PCDHGA3: variants seen among roughly 807,000 people sequenced by gnomAD.
The protein encoded by PCDHGA3 is protocadherin gamma subfamily A, 3.
A neutral mutation model predicts 58.5 loss-of-function variants in PCDHGA3; 40 were observed. The ratio of observed to expected loss-of-function variants is 0.68; its 90% CI spans 0.53 to 0.89. The LOEUF is 0.89. Among genes scored for constraint, PCDHGA3 ranks in the 40% least tolerant of loss-of-function variants. PCDHGA3 has a pLI of 0.00. For missense variants in PCDHGA3, 1,223 were observed against 1,195.9 expected (o/e 1.02, Z -0.33); for synonymous variants, 530 against 525.7 (o/e 1.01, Z -0.11).
intron 1 of PCDHGA3, chr5:141,375,779 G>A (rs749559180): frequency 1.9e-6 from 3 of 1,614,176 alleles, no homozygotes; most frequent in South Asian, 1.1e-5. Flanking sequence ...CCTGTACCCC[G>A]CCCTCCCCAC....
At chr5:141,364,166 C>T (rs1763198104) in intron 1 of PCDHGA3, 4 of 715,060 alleles carry the variant, frequency 5.6e-6, no homozygotes, top group Admixed American at 3.8e-5. Context: ...AGAGGCGACC[C>T]GACTCTGCTC....
Position 141,345,466 on chromosome 5 carries a change from A to G in PCDHGA3, c.1433A>G (p.Asp478Gly). Residue 478 changes from aspartate to glycine, a missense_variant, in exon 1 of 4, where the codon GAC becomes GGC. Physicochemically the swap from Asp to Gly is moderately conservative, Grantham distance 94. This residue lies in a region of PCDHGA3 where 791 missense variants were observed against 708.5 expected (regional missense o/e 1.12). Transcript: ENST00000253812. ...GASIFSVTAQ[D>G]PDSNNNARIT... Reference sequence around the variant, plus strand: ...TCCATCTTCTCAGTGACAGCCCAGGACCCAGATAGCAACAACAACGCCCGC... The same window carrying G: ...TCCATCTTCTCAGTGACAGCCCAGGGCCCAGATAGCAACAACAACGCCCGC... 6.2e-7 allele frequency: 1 copy of G among 1,614,078 alleles called. No individual in the cohort carries two copies. The highest frequency in any genetic ancestry group is 1.1e-5 in the South Asian group (1 of 91,084).
Position 141,349,827 on chromosome 5 carries a change from T to C in PCDHGA3, c.2424+3370T>C, listed in dbSNP as rs551311539. On this transcript the variant is annotated intron_variant, in intron 1 of 3. Coordinates refer to ENST00000253812, the MANE Select transcript of PCDHGA3 (RefSeq NM_018916.4). ...CCCCCAAAACTGAAAAAAATGGCAG[T>C]GTACCTTGTGAATTTTTTAAATGAA... Among the ~76,000 whole-genome samples the C allele has an allele frequency of 3.3e-5, 5 of 152,234 alleles. 1 individual carries two copies. Among genetic ancestry groups the C allele is most frequent in the Middle Eastern group, 6.8e-3 (2 of 294 alleles).
rs759239364 is a variant in PCDHGA3 at position 141,361,410 on chromosome 5, C to T, written c.2424+14953C>T. 1.6e-5 allele frequency: 26 copies of T among 1,613,936 alleles called. No homozygotes were observed. In the Admixed American group the frequency reaches 4.0e-4, roughly 25 times the overall value. ...AATACAATCTCACCATCACAGCCAC[C>T]GACGGGGGCAAGCCGCCCCTCTCCT... On this transcript the variant is annotated intron_variant, in intron 1 of 3. Transcript: ENST00000253812.
At chr5:141,359,679 A>G (rs906167811) in intron 1 of PCDHGA3, among the ~76,000 whole-genome samples, 1 of 152,104 alleles carries the variant, frequency 6.6e-6, no homozygotes. Context: ...GTTGCCCTAT[A>G]CAAGACATAT....
In PCDHGA3 at chr5:141,373,351, T is replaced by A. The variant is rs147280674; in HGVS notation, c.2424+26894T>A. Among the ~76,000 whole-genome samples, 5 of 152,328 alleles carry A rather than the reference T, an allele frequency of 3.3e-5. No homozygotes were observed. In the East Asian group the frequency reaches 7.7e-4, roughly 23 times the overall value. On this transcript the variant is annotated intron_variant, in intron 1 of 3. Transcript: ENST00000253812. ...GCATCTAAAATGGCAACTCTTGTAA[T>A]GGGCACTGTAATGAATTGGTTCAAA...
At chr5:141,500,417 G>A in intron 2 of PCDHGA3, among the ~76,000 whole-genome samples, 1 of 151,736 alleles carries the variant, frequency 6.6e-6, no homozygotes, top group East Asian at 2.0e-4. Flanking sequence ...CACCGTGTTA[G>A]CCAGGATGGT....
At chr5:141,398,727 A>G in intron 1 of PCDHGA3, 1 of 1,613,894 alleles carries the variant, frequency 6.2e-7, no homozygotes, top group Middle Eastern at 1.6e-4. Flanking sequence ...AGAAAACCTT[A>G]GACCGGGAAC....
intron 1 of PCDHGA3, among the ~76,000 whole-genome samples, chr5:141,434,221 G>T (rs760622311): frequency 6.6e-6 from 1 of 152,206 alleles, no homozygotes; most frequent in Admixed American, 6.5e-5. Flanking sequence ...TGTAAACAAA[G>T]TACGATTTCT....
intron 1 of PCDHGA3, chr5:141,441,726 C>A: frequency 2.8e-6 from 1 of 353,524 alleles, no homozygotes; most frequent in Non-Finnish European, 5.6e-6. Flanking sequence ...GGCCCGCGAC[C>A]AGGACTAGCT....
At chr5:141,436,394 T>C (rs781428769) in intron 1 of PCDHGA3, among the ~76,000 whole-genome samples, 15 of 152,216 alleles carry the variant, frequency 9.9e-5, no homozygotes, top group Non-Finnish European at 1.9e-4. Flanking sequence ...CTTTATTAAA[T>C]AGTTGTTGAA....
chr5:141,372,323 G>T, intron 1 of PCDHGA3: 5 of 1,613,694 alleles, frequency 3.1e-6, no homozygotes, highest in Non-Finnish European at 4.2e-6. Context: ...AGCGCCTGCT[G>T]GTCACTGTGC....
At chr5:141,355,369 C>G in intron 1 of PCDHGA3, 1 of 1,614,040 alleles carries the variant, frequency 6.2e-7, no homozygotes, top group African/African-American at 1.3e-5. Context: ...GTTGGCGCCC[C>G]GGGAGCTGGC....
chr5:141,507,616 G>A (rs1288020739), intron 3 of PCDHGA3, among the ~76,000 whole-genome samples: 3 of 152,252 alleles, frequency 2.0e-5, no homozygotes, highest in Non-Finnish European at 4.4e-5. Context: ...GGTATATTTA[G>A]CTGTTGTGGC....
intron 1 of PCDHGA3, chr5:141,414,115 G>A: frequency 6.3e-7 from 1 of 1,591,952 alleles, no homozygotes; most frequent in Middle Eastern, 1.7e-4. Flanking sequence ...TCTAGATTAT[G>A]AAGAAACCGG....
intron 1 of PCDHGA3, chr5:141,389,813 C>G (rs575968401): frequency 1.3e-5 from 21 of 1,613,846 alleles, no homozygotes; most frequent in South Asian, 2.2e-5. Context: ...TTCTGGTCGC[C>G]GTGCGTGACG....
In PCDHGA3 at chr5:141,511,074, C is replaced by G; in HGVS notation, c.2700C>G (p.Ser900Arg). 1.2e-6 allele frequency: 2 copies of G among 1,614,238 alleles called. No homozygotes were observed. The highest frequency in any genetic ancestry group is 1.7e-6 in the Non-Finnish European group (2 of 1,180,040). ...GCCAGAATGTCTACATCCCAGGCAGCAATGCCACACTGACCAACGCAGCTG... is the reference window on the plus strand; with the variant it reads ...GCCAGAATGTCTACATCCCAGGCAGGAATGCCACACTGACCAACGCAGCTG... The part of the protein sequence containing the change: ...DYRQNVYIPG[S>R]NATLTNAAGK... Residue 900 changes from serine (S) to arginine (R), a missense_variant, in exon 4 of 4, where the codon AGC becomes AGG. Around this residue, in one of 3 missense-constraint regions of PCDHGA3, gnomAD observed 325 missense variants for 327.5 expected, o/e 0.99. Coordinates refer to ENST00000253812, the MANE Select transcript of PCDHGA3 (RefSeq NM_018916.4).
At chr5:141,423,256 G>C (rs751894091) in intron 1 of PCDHGA3, 1 of 1,613,934 alleles carries the variant, frequency 6.2e-7, no homozygotes. Flanking sequence ...GGCGGACCTC[G>C]GCAGCCTCGA....
intron 1 of PCDHGA3, chr5:141,376,145 G>A: frequency 6.2e-7 from 1 of 1,613,994 alleles, no homozygotes; most frequent in Non-Finnish European, 8.5e-7. Context: ...CAACGATTCG[G>A]ACCTCACTCT....
Sources: allele counts gnomAD v4.1 joint callset (sites outside exome capture counted in the v4.1 genomes callset), GRCh38; gene constraint gnomAD v4.1.1; regional missense constraint gnomAD v4.1.1; transcripts MANE v1.5; gene names NCBI Gene and HGNC (gene_info 2026-07-23, HGNC 2026-07-21).